The following FTCDNL1 variants were observed in gnomAD, a reference collection of about 807,000 sequenced individuals.
FTCDNL1 encodes the protein formiminotransferase N-terminal subdomain-containing protein.
FTCDNL1 carries 11 observed loss-of-function variants against 5.9 expected under a neutral mutation model. The observed-to-expected ratio is 1.87, with a 90% CI of 1.18 to 3.10. The LOEUF is 3.10. Ranked by LOEUF, FTCDNL1 falls within the 30% of genes most tolerant of loss-of-function variation. FTCDNL1 has a pLI of 0.00. For missense variants in FTCDNL1, 115 were observed against 65.5 expected, an observed-to-expected ratio of 1.76 and a Z score of -2.61; for synonymous variants, 58 against 24.8, an observed-to-expected ratio of 2.34 and a Z score of -3.99.
the FTCDNL1 span, among the ~76,000 whole-genome samples, chr2:199,750,773 G>A: frequency 0.85 from 128,700 of 152,240 alleles, 55,507 homozygotes; most frequent in East Asian, 1. Flanking sequence ...ACTTTTGAAT[G>A]AAAGTAGCTA....
chr2:199,747,026 A>AAC, the FTCDNL1 span, among the ~76,000 whole-genome samples: 4,110 of 145,890 alleles, frequency 0.028, 150 homozygotes, highest in African/African-American at 0.086. Context: ...GTTTATTTAA[A>AAC]ACACACACAC....
chr2:199,800,623 T>A (rs764328149), intron 3 of FTCDNL1, among the ~76,000 whole-genome samples: 12 of 152,258 alleles, frequency 7.9e-5, no homozygotes, highest in Non-Finnish European at 1.5e-4. Flanking sequence ...TTTTTATGGC[T>A]ACTCTTTTGT....
At chr2:199,718,029 G>A in the FTCDNL1 span, among the ~76,000 whole-genome samples, 1 of 149,892 alleles carries the variant, frequency 6.7e-6, no homozygotes, top group Non-Finnish European at 1.5e-5. Context: ...TAATTCTCCT[G>A]CAAAATGGCC....
rs192490063 is a variant in FTCDNL1, at chr2:199,770,793, C to T, written c.212-9958G>A. 3.9e-5 allele frequency among the ~76,000 whole-genome samples: 6 copies of T among 152,334 alleles called. No individual in the cohort carries two copies. In the East Asian group the frequency reaches 9.6e-4, roughly 24 times the overall value. On this transcript the variant is annotated intron_variant, in intron 3 of 3. Transcript: ENST00000416668. ...TCTGGCCATTGTCTGCCGCTTCACT[C>T]ACAGCTACATGCTGAATAGAAAAGG...
chr2:199,725,021 C>T, the FTCDNL1 span, among the ~76,000 whole-genome samples: 58 of 152,232 alleles, frequency 3.8e-4, no homozygotes, highest in African/African-American at 1.3e-3. Context: ...GTCTAAGTCT[C>T]TTTGTAGGTC....
At position 199,811,399 on chromosome 2, in the gene FTCDNL1, GA is replaced by G. The variant is rs1475789133; in HGVS notation, c.*1305del. 3.3e-5 allele frequency among the ~76,000 whole-genome samples: 5 copies of G among 152,128 alleles called. No individual in the cohort carries two copies. Among genetic ancestry groups the G allele is most frequent in the Non-Finnish European group, 5.9e-5 (4 of 68,022 alleles). On this transcript the variant is annotated 3_prime_UTR_variant, in exon 5 of 5. Transcript: ENST00000420128. ...TGTACTTATCCTATTTTGACTCAAG[GA>G]ATGGTAATATCTTTACCATCGTTCC...
chr2:199,747,266 C>G, the FTCDNL1 span, among the ~76,000 whole-genome samples: 1 of 152,116 alleles, frequency 6.6e-6, no homozygotes, highest in Admixed American at 6.5e-5. Context: ...TTCGAAAATT[C>G]ATCTCAAACT....
At chr2:199,798,907 A>G (rs978916628) in intron 3 of FTCDNL1, among the ~76,000 whole-genome samples, 2 of 152,248 alleles carry the variant, frequency 1.3e-5, no homozygotes, top group Non-Finnish European at 2.9e-5. Context: ...TTTTCTTACA[A>G]ATAGATGACA....
intron 2 of FTCDNL1, 31 bp from the exon 3 acceptor site, chr2:199,846,201 A>AT (rs758407721): frequency 3.3e-5 from 22 of 663,062 alleles, no homozygotes; most frequent in African/African-American, 7.3e-5. Context: ...AAGTGCAAGA[A>AT]TTTTTTTTCT....
intron 3 of FTCDNL1, among the ~76,000 whole-genome samples, chr2:199,784,456 T>C (rs1356580195): frequency 2.6e-5 from 4 of 152,130 alleles, no homozygotes; most frequent in Admixed American, 6.5e-5. Flanking sequence ...AGCTCTAAAA[T>C]CCCTGTTGTA....
intron 4 of FTCDNL1, among the ~76,000 whole-genome samples, chr2:199,816,964 C>T (rs1443705466): frequency 6.6e-6 from 1 of 152,216 alleles, no homozygotes. Context: ...GCTGGTGATA[C>T]TGCTTAGCAC....
chr2:199,743,650 T>G, the FTCDNL1 span, among the ~76,000 whole-genome samples: 6 of 152,110 alleles, frequency 3.9e-5, no homozygotes, highest in African/African-American at 1.4e-4. Flanking sequence ...TGCACGTCCC[T>G]TGCCTCTGCC....
At chr2:199,732,248 C>A in the FTCDNL1 span, among the ~76,000 whole-genome samples, 1 of 152,226 alleles carries the variant, frequency 6.6e-6, no homozygotes, top group African/African-American at 2.4e-5. Context: ...ACATTTCACT[C>A]TAACTGTGAA....
chr2:199,704,620 T>C, the FTCDNL1 span, among the ~76,000 whole-genome samples: 718 of 152,016 alleles, frequency 4.7e-3, 6 homozygotes, highest in African/African-American at 0.016. Context: ...GCTGGATAAA[T>C]GGGAAGGGAG....
At chr2:199,793,395 A>G (rs1700025236) in intron 3 of FTCDNL1, among the ~76,000 whole-genome samples, 1 of 152,196 alleles carries the variant, frequency 6.6e-6, no homozygotes, top group Non-Finnish European at 1.5e-5. Flanking sequence ...AAGCAAGTGA[A>G]AGAAACATAA....
At chr2:199,725,555 G>C in the FTCDNL1 span, among the ~76,000 whole-genome samples, 1 of 152,068 alleles carries the variant, frequency 6.6e-6, no homozygotes, top group East Asian at 1.9e-4. Context: ...AATGCTTCCT[G>C]AGGAGCTCTT....
At chr2:199,768,577 T>C (rs1008680891) in intron 3 of FTCDNL1, among the ~76,000 whole-genome samples, 5 of 151,716 alleles carry the variant, frequency 3.3e-5, no homozygotes, top group Non-Finnish European at 1.5e-5. Context: ...GAGATTAGTT[T>C]TTTTTTTTAA....
the FTCDNL1 span, among the ~76,000 whole-genome samples, chr2:199,746,382 T>C: frequency 6.6e-6 from 1 of 152,196 alleles, no homozygotes; most frequent in East Asian, 1.9e-4. Flanking sequence ...CCTTCTGTCA[T>C]GGAGTGACAA....
At chr2:199,807,909 A>G (rs969193788), downstream of FTCDNL1, among the ~76,000 whole-genome samples, 2 of 152,196 alleles carry the variant, frequency 1.3e-5, no homozygotes, top group Non-Finnish European at 2.9e-5. Flanking sequence ...CTCATGTTCA[A>G]TCATAATACC....
Sources: gnomAD v4.1 joint callset for allele counts (sites outside exome capture counted in the v4.1 genomes callset) on GRCh38, gnomAD v4.1.1 for gene constraint, MANE v1.5 for transcripts, NCBI Gene and HGNC (gene_info 2026-07-23, HGNC 2026-07-21) for gene names.